MTRR: variants seen among roughly 807,000 people sequenced by gnomAD.
The protein encoded by MTRR is 5-methyltetrahydrofolate-homocysteine methyltransferase reductase.
In MTRR, 63 loss-of-function variants were observed where a neutral mutation model predicts 79.2. The ratio of observed to expected loss-of-function variants is 0.80; its 90% CI spans 0.65 to 0.98. The LOEUF is 0.98. Ranked by LOEUF, MTRR falls within the 50% of genes least tolerant of loss-of-function variation. The pLI is 0.00. For missense variants in MTRR, 895 were observed against 839.6 expected (o/e 1.07, Z -0.82); for synonymous variants, 355 against 313.3 (o/e 1.13, Z -1.41).
Position 7,892,862 on chromosome 5 carries a change from G to T in MTRR, c.1506G>T (p.Gln502His), listed in dbSNP as rs1737853953. ...WLALLVASVL[Q>H]PNIHASHEDS... is the part of the protein sequence containing the mutation. ...CCTTGTTGGTTGCTTCAGTTCTTCA[G>T]CCAAACATACATGCATCCCATGAAG... is the stretch of plus-strand genomic sequence containing the variant. The change falls in exon 11 of 15, where the codon CAG becomes CAT. Residue 502 changes from glutamine (Q) to histidine (H), a missense_variant. Gln to His is a conservative substitution (Grantham distance 24). Transcript: ENST00000440940. 3.7e-6 allele frequency: 6 copies of T among 1,614,218 alleles called. No individual in the cohort carries two copies. Among genetic ancestry groups the T allele is most frequent in the Non-Finnish European group, 5.1e-6 (6 of 1,180,046 alleles).
chr5:7,895,880 A>G, intron 12 of MTRR, 28 bp downstream of exon 12: 1 of 1,613,838 alleles, frequency 6.2e-7, no homozygotes, highest in Non-Finnish European at 8.5e-7. Flanking sequence ...CTAATGGGAA[A>G]ATGTATTCCT....
chr5:7,872,587 G>T (rs951131867), intron 2 of MTRR, among the ~76,000 whole-genome samples: 3 of 152,222 alleles, frequency 2.0e-5, no homozygotes, highest in African/African-American at 7.2e-5. Flanking sequence ...TTTAGAAGGG[G>T]TAACACTTTT....
chr5:7,861,281 A>G, intron 1 of MTRR: 1 of 1,350,446 alleles, frequency 7.4e-7, no homozygotes. Flanking sequence ...ATAAAAAAGG[A>G]GAAAAATACT....
rs760727881 is a variant in MTRR, at chr5:7,897,204, G to T, written c.1909G>T (p.Ala637Ser). Residue 637 changes from alanine to serine, a missense_variant, in exon 14 of 15, where the codon GCG becomes TCG. Ala to Ser is a moderately conservative substitution (Grantham distance 99). Transcript: ENST00000440940. ...DNIQLHGQQV[A>S]RILLQENGHI... ...CATCCAGCTTCATGGCCAGCAGGTGGCGAGAATCCTCCTCCAGGAGAACGG... is the reference window on the plus strand; with the variant it reads ...CATCCAGCTTCATGGCCAGCAGGTGTCGAGAATCCTCCTCCAGGAGAACGG... The T allele has an allele frequency of 1.2e-6, 2 of 1,614,142 alleles. No individual in the cohort carries two copies. The highest frequency in any genetic ancestry group is 1.7e-6 in the Non-Finnish European group (2 of 1,180,038).
chr5:7,890,797 C>T (rs192090111), intron 9 of MTRR, among the ~76,000 whole-genome samples: 5 of 152,230 alleles, frequency 3.3e-5, no homozygotes, highest in African/African-American at 7.2e-5. Context: ...GATTATTTAA[C>T]CTGCTTTTGA....
intron 14 of MTRR, 30 bp downstream of exon 14, chr5:7,897,277 G>A (rs750242423): frequency 1.2e-6 from 2 of 1,611,212 alleles, no homozygotes; most frequent in Non-Finnish European, 1.7e-6. Flanking sequence ...AAGTCGGGTA[G>A]GAGAGGGCCA....
intron 2 of MTRR, among the ~76,000 whole-genome samples, chr5:7,871,153 T>G (rs200409513): frequency 3.1e-5 from 1 of 31,866 alleles, no homozygotes; most frequent in East Asian, 5.8e-4. Context: ...AACAACTCCT[T>G]AACTGTAAAT....
Position 7,885,915 on chromosome 5 carries a change from G to C in MTRR, c.1057+61G>C. ...GGGCCAGTGGACTGGAGCTGATGGT[G>C]AGAGTGTGGCTCTAAGGTTCAGGGT... On this transcript the variant is annotated intron_variant, in intron 7 of 14. Transcript: ENST00000440940. 1.9e-6 allele frequency: 3 copies of C among 1,607,802 alleles called. No homozygotes were observed. The South Asian group carries it at 3.3e-5, about 18-fold the overall frequency.
intron 1 of MTRR, chr5:7,869,507 T>G: frequency 2.4e-6 from 1 of 423,600 alleles, no homozygotes; most frequent in Non-Finnish European, 4.4e-6. Context: ...TCTAGGCGCT[T>G]TCCAGGCCTA....
intron 14 of MTRR, among the ~76,000 whole-genome samples, chr5:7,899,199 A>G (rs1351134831): frequency 6.6e-6 from 1 of 152,128 alleles, no homozygotes; most frequent in Non-Finnish European, 1.5e-5. Flanking sequence ...ACCAAGCCCC[A>G]CTTCTAACAC....
rs747303076 is a variant in MTRR at position 7,873,488 on chromosome 5, C to T, written c.245C>T (p.Pro82Leu). ...AAGGAAATACAGAACCAAACACTGCCGGTTGATTTCTTTGCTCACCTGCGG... is the reference window on the plus strand; with the variant it reads ...AAGGAAATACAGAACCAAACACTGCTGGTTGATTTCTTTGCTCACCTGCGG... The part of the protein sequence containing the change: ...FVKEIQNQTL[P>L]VDFFAHLRYG... The change falls in exon 3 of 15, where the codon CCG becomes CTG. Residue 82 changes from proline to leucine, a missense_variant. By Grantham distance (98) the Pro-to-Leu change is moderately conservative (BLOSUM62 -3). Transcript: ENST00000440940. 18 of 1,614,000 alleles carry T rather than the reference C, an allele frequency of 1.1e-5. No individual in the cohort carries two copies. The East Asian group carries it at 1.6e-4, about 14-fold the overall frequency.
chr5:7,883,323 G>A, intron 6 of MTRR, 46 bp downstream of exon 6: 4 of 1,612,778 alleles, frequency 2.5e-6, no homozygotes, highest in Non-Finnish European at 3.4e-6. Context: ...TTGTCAGGAT[G>A]TGCAGAAAGA....
intron 1 of MTRR, among the ~76,000 whole-genome samples, chr5:7,855,993 A>G (rs955978500): frequency 6.6e-6 from 1 of 152,146 alleles, no homozygotes; most frequent in Non-Finnish European, 1.5e-5. Flanking sequence ...CGAGTCAAAC[A>G]TAGGACTAGA....
rs368766486 is a variant in MTRR at position 7,880,182 on chromosome 5, G to T, written c.780+1860G>T. Among the ~76,000 whole-genome samples the T allele has an allele frequency of 4.6e-5, 7 of 152,330 alleles. No individual in the cohort carries two copies. The East Asian group carries it at 9.7e-4, about 21-fold the overall frequency. The stretch of plus-strand genomic sequence containing the variant: ...GACCGCACTGTCCTGGCTACTCCTC[G>T]TTGCTCATTCAGTCTGATAGCACGA... On this transcript the variant is annotated intron_variant, in intron 5 of 14. Coordinates refer to ENST00000440940, the MANE Select transcript of MTRR (RefSeq NM_002454.3).
At chr5:7,869,462 C>T (rs894632789) in intron 1 of MTRR, 3 of 551,322 alleles carry the variant, frequency 5.4e-6, no homozygotes, top group Admixed American at 3.2e-5. Flanking sequence ...GGCCCCTGGG[C>T]GGCGTGGGGT....
intron 8 of MTRR, among the ~76,000 whole-genome samples, chr5:7,887,740 A>G (rs1411469360): frequency 6.9e-6 from 1 of 144,836 alleles, no homozygotes; most frequent in Non-Finnish European, 1.5e-5. Flanking sequence ...ATGTGTATAT[A>G]TATGTGTGTG....
intron 4 of MTRR, among the ~76,000 whole-genome samples, chr5:7,877,042 C>T (rs1322341472): frequency 6.6e-6 from 1 of 152,342 alleles, no homozygotes; most frequent in South Asian, 2.1e-4. Context: ...ACATGAGCAC[C>T]TCCCGAGCAC....
chr5:7,900,178 A>G lies in MTRR; in HGVS notation c.*120A>G, dbSNP rs2126830593. The G allele has an allele frequency of 7.0e-6, 8 of 1,145,754 alleles. No homozygotes were observed. Among genetic ancestry groups the G allele is most frequent in the East Asian group, 2.5e-5 (1 of 40,234 alleles). 71.0% of individuals were successfully genotyped at this position (1,145,754 alleles called of 1,614,324 possible). Reference sequence around the variant, plus strand: ...ATTTTCTTTCAACATTTCTTGAAGGACATGGAGTGGAGATTGGATCATTTA... The same window carrying G: ...ATTTTCTTTCAACATTTCTTGAAGGGCATGGAGTGGAGATTGGATCATTTA... On this transcript the variant is annotated 3_prime_UTR_variant, in exon 15 of 15. Coordinates refer to ENST00000440940, the MANE Select transcript of MTRR (RefSeq NM_002454.3).
At chr5:7,888,327 T>G (rs1299778564) in intron 8 of MTRR, among the ~76,000 whole-genome samples, 1 of 152,228 alleles carries the variant, frequency 6.6e-6, no homozygotes, top group Non-Finnish European at 1.5e-5. Flanking sequence ...AGTTCTAAAG[T>G]GAAAAAAGTA....
Sources: gnomAD v4.1 joint callset for allele counts (sites outside exome capture counted in the v4.1 genomes callset) on GRCh38, gnomAD v4.1.1 for gene constraint, MANE v1.5 for transcripts, NCBI Gene and HGNC (gene_info 2026-07-23, HGNC 2026-07-21) for gene names.